Variants in ARHGAP26 observed in about 807,000 individuals in gnomAD.
ARHGAP26 encodes rho GTPase-activating protein 26.
A neutral mutation model predicts 104.8 loss-of-function variants in ARHGAP26; 38 were observed. The observed-to-expected ratio is 0.36, with a 90% CI of 0.28 to 0.48. ARHGAP26 has a LOEUF of 0.48. Ranked by LOEUF, ARHGAP26 falls within the 20% of genes least tolerant of loss-of-function variation. ARHGAP26 has a pLI of 0.99. For missense variants in ARHGAP26, 704 were observed against 947.9 expected (o/e 0.74, Z 3.38); for synonymous variants, 341 against 340.0 (o/e 1.00, Z -0.03).
chr5:142,911,731 CAT>C (rs1449894530), intron 9 of ARHGAP26, among the ~76,000 whole-genome samples: 1 of 152,190 alleles, frequency 6.6e-6, no homozygotes, highest in Non-Finnish European at 1.5e-5. Flanking sequence ...TGGGACACCT[CAT>C]GTAATCTTTC....
At chr5:142,979,424 G>A (rs769396507) in intron 11 of ARHGAP26, among the ~76,000 whole-genome samples, 119 of 152,274 alleles carry the variant, frequency 7.8e-4, no homozygotes, top group Non-Finnish European at 1.2e-3. Flanking sequence ...CTCAGAAAGT[G>A]GATTCTTCCA....
At chr5:143,058,088 T>G (rs1423867582) in intron 17 of ARHGAP26, 1 of 497,050 alleles carries the variant, frequency 2.0e-6, no homozygotes, top group African/African-American at 1.9e-5. Flanking sequence ...GTTCTTATGC[T>G]CATCAAGAAC....
chr5:142,775,428 T>G (rs1756113713), intron 1 of ARHGAP26, among the ~76,000 whole-genome samples: 1 of 152,248 alleles, frequency 6.6e-6, no homozygotes, highest in African/African-American at 2.4e-5. Context: ...TTCAGATCTT[T>G]TGCCCATTTT....
At chr5:142,874,182 G>C (rs1205061367) in intron 2 of ARHGAP26, among the ~76,000 whole-genome samples, 2 of 152,196 alleles carry the variant, frequency 1.3e-5, no homozygotes, top group Non-Finnish European at 2.9e-5. Context: ...ACGGTGTGTT[G>C]CTTCACTCTT....
At chr5:142,874,350 GATTA>G (rs1324217116) in intron 2 of ARHGAP26, among the ~76,000 whole-genome samples, 1 of 152,188 alleles carries the variant, frequency 6.6e-6, no homozygotes, top group Non-Finnish European at 1.5e-5. Context: ...AGTTTTATTG[GATTA>G]ATTAATTCAT....
intron 17 of ARHGAP26, among the ~76,000 whole-genome samples, chr5:143,104,074 T>G (rs1390453477): frequency 2.0e-5 from 3 of 148,874 alleles, no homozygotes; most frequent in African/African-American, 7.4e-5. Context: ...GCTTTCAAAA[T>G]AGCAATACCT....
At chr5:142,985,476 A>G (rs1164654598) in intron 11 of ARHGAP26, among the ~76,000 whole-genome samples, 1 of 151,902 alleles carries the variant, frequency 6.6e-6, no homozygotes, top group Non-Finnish European at 1.5e-5. Context: ...AGCTCCATTC[A>G]TGGTAAGCAC....
At chr5:142,789,414 G>A (rs564579733) in intron 1 of ARHGAP26, among the ~76,000 whole-genome samples, 21 of 152,178 alleles carry the variant, frequency 1.4e-4, no homozygotes, top group Admixed American at 7.8e-4. Context: ...AGATGTCTTC[G>A]TTTTAATCTA....
At chr5:142,925,906 T>A (rs1373902745) in intron 10 of ARHGAP26, among the ~76,000 whole-genome samples, 2 of 152,200 alleles carry the variant, frequency 1.3e-5, no homozygotes, top group South Asian at 2.1e-4. Context: ...GAAAGAACGG[T>A]ACTGTTAAAT....
intron 22 of ARHGAP26, among the ~76,000 whole-genome samples, chr5:143,214,687 T>A (rs1810050330): frequency 6.6e-6 from 1 of 152,108 alleles, no homozygotes; most frequent in Admixed American, 6.5e-5. Flanking sequence ...TGCCATTGTG[T>A]GTGCCCAGCC....
At chr5:142,878,389 T>G (rs1756431978) in intron 3 of ARHGAP26, among the ~76,000 whole-genome samples, 1 of 152,228 alleles carries the variant, frequency 6.6e-6, no homozygotes, top group Admixed American at 6.5e-5. Flanking sequence ...GTCACACAGT[T>G]GGCAGCCAAT....
intron 1 of ARHGAP26, among the ~76,000 whole-genome samples, chr5:142,844,877 C>A (rs1436367112): frequency 1.3e-5 from 2 of 151,146 alleles, no homozygotes; most frequent in Non-Finnish European, 3.0e-5. Context: ...AAAAAGAACT[C>A]TTTTAATTGA....
chr5:142,858,099 G>A (rs1208264771), intron 1 of ARHGAP26, among the ~76,000 whole-genome samples: 1 of 148,092 alleles, frequency 6.8e-6, no homozygotes, highest in Non-Finnish European at 1.5e-5. Context: ...GTGTGTGAGA[G>A]AGAGAGAGAG....
At chr5:143,128,620 G>T (rs1355559358) in intron 18 of ARHGAP26, among the ~76,000 whole-genome samples, 1 of 152,172 alleles carries the variant, frequency 6.6e-6, no homozygotes, top group Non-Finnish European at 1.5e-5. Flanking sequence ...TGAAGGTGCT[G>T]GGTTTATGGC....
At chr5:143,177,757 C>A (rs1803693981) in intron 20 of ARHGAP26, among the ~76,000 whole-genome samples, 1 of 152,128 alleles carries the variant, frequency 6.6e-6, no homozygotes. Context: ...ACTATAGTTG[C>A]CCATTTTCTT....
chr5:143,158,338 C>T (rs1006630229), intron 20 of ARHGAP26, among the ~76,000 whole-genome samples: 1 of 152,148 alleles, frequency 6.6e-6, no homozygotes, highest in African/African-American at 2.4e-5. Context: ...TAGAAGTGCT[C>T]CTCTTCCAAG....
chr5:142,836,532 TG>T (rs1298368570), intron 1 of ARHGAP26, among the ~76,000 whole-genome samples: 1 of 152,226 alleles, frequency 6.6e-6, no homozygotes, highest in Non-Finnish European at 1.5e-5. Flanking sequence ...GCACTCAGTC[TG>T]AAGTAATTTC....
Position 143,225,718 on chromosome 5 carries a change from C to T in ARHGAP26, c.*3272C>T. 1 of 228,652 alleles carries T rather than the reference C, an allele frequency of 4.4e-6. No homozygotes were observed. The highest frequency in any genetic ancestry group is 6.3e-5 in the East Asian group (1 of 15,946). The allele number at this position is 228,652 out of a possible 1,614,324, so 14.2% of individuals were successfully genotyped here. A position where few individuals can be genotyped will look rare whatever the true frequency, so the allele number is the denominator to read the frequency against. On this transcript the variant is annotated 3_prime_UTR_variant, in exon 23 of 23. Transcript: ENST00000645722. ...AATGGGATCTTTTAGGTAACTCCCT[C>T]CCTAGCTTCCGTGTGTCTGTGCAGT...
intron 9 of ARHGAP26, among the ~76,000 whole-genome samples, 175 bp downstream of exon 9, chr5:142,907,979 G>A (rs559129693): frequency 2.0e-5 from 3 of 152,184 alleles, no homozygotes; most frequent in South Asian, 2.1e-4. Context: ...CTGAAGAATC[G>A]CTAAAATAAG....
Sources: allele counts gnomAD v4.1 joint callset (sites outside exome capture counted in the v4.1 genomes callset), GRCh38; gene constraint gnomAD v4.1.1; transcripts MANE v1.5; gene names NCBI Gene and HGNC (gene_info 2026-07-23, HGNC 2026-07-21).